Variants in AVEN observed in about 807,000 individuals in gnomAD.
AVEN encodes the protein cell death regulator Aven.
AVEN carries 41 observed loss-of-function variants against 38.1 expected under a neutral mutation model. That is an observed-to-expected ratio of 1.08 (90% confidence interval 0.84 to 1.40). The LOEUF is 1.40. Ranked by LOEUF, AVEN falls within the 40% of genes most tolerant of loss-of-function variation. AVEN has a pLI of 0.00. For synonymous variants in AVEN, 206 were observed against 171.8 expected (o/e 1.20, Z -1.56); for missense variants, 605 against 438.8 (o/e 1.38, Z -3.38).
intron 2 of AVEN, among the ~76,000 whole-genome samples, chr15:33,962,864 G>A (rs1267316269): frequency 6.8e-6 from 1 of 147,070 alleles, no homozygotes; most frequent in Non-Finnish European, 1.5e-5. Context: ...AGCTTGCAGT[G>A]AGCCGAGATC....
intron 2 of AVEN, among the ~76,000 whole-genome samples, chr15:34,070,300 G>A (rs1430266088): frequency 6.6e-6 from 1 of 151,990 alleles, no homozygotes; most frequent in African/African-American, 2.4e-5. Flanking sequence ...AGATTTGGAT[G>A]GGAACACAAA....
chr15:33,900,192 C>T (rs1480549170), intron 2 of AVEN, among the ~76,000 whole-genome samples: 1 of 152,042 alleles, frequency 6.6e-6, no homozygotes, highest in African/African-American at 2.4e-5. Flanking sequence ...TGAAACCCTT[C>T]AGAATCTAGA....
At chr15:33,918,518 G>T (rs1893254214) in intron 2 of AVEN, among the ~76,000 whole-genome samples, 1 of 122,562 alleles carries the variant, frequency 8.2e-6, no homozygotes, top group Admixed American at 1.1e-4. Context: ...CCAGATTGAA[G>T]TGCAGTGGCG....
At chr15:33,857,785 T>A, downstream of AVEN, 2 of 1,614,050 alleles carry the variant, frequency 1.2e-6, no homozygotes, top group Non-Finnish European at 1.7e-6. Flanking sequence ...CCCAGTTGGT[T>A]CTGACTGTCG....
intron 2 of AVEN, among the ~76,000 whole-genome samples, chr15:33,945,985 C>A (rs1361906084): frequency 2.0e-5 from 3 of 152,160 alleles, no homozygotes; most frequent in African/African-American, 7.2e-5. Context: ...CGTTTACTAA[C>A]CTCAGTGAGA....
chr15:33,905,157 AC>A, intron 2 of AVEN, among the ~76,000 whole-genome samples: 1 of 145,552 alleles, frequency 6.9e-6, no homozygotes, highest in East Asian at 2.1e-4. Context: ...AAAAAAAACT[AC>A]TTTTGTTTCC....
chr15:33,865,869 T>TG (rs1167768915), downstream of AVEN: 2 of 152,770 alleles, frequency 1.3e-5, no homozygotes, highest in African/African-American at 4.8e-5. Context: ...CCGTCTTACT[T>TG]TATGAAACTG....
At chr15:34,062,451 A>T (rs571138287) in intron 5 of AVEN, among the ~76,000 whole-genome samples, 1 of 147,706 alleles carries the variant, frequency 6.8e-6, no homozygotes, top group East Asian at 2.2e-4. Flanking sequence ...GCTACTCGGG[A>T]GGCTGAGGCA....
intron 2 of AVEN, among the ~76,000 whole-genome samples, chr15:33,906,179 G>A (rs1287088979): frequency 6.6e-6 from 1 of 152,152 alleles, no homozygotes; most frequent in Non-Finnish European, 1.5e-5. Context: ...TTGAGCTTCT[G>A]TGTATGTGGA....
chr15:33,933,524 C>CACACACACACACACACAGAGAG (rs1893945145), intron 2 of AVEN, among the ~76,000 whole-genome samples: 5 of 46,648 alleles, frequency 1.1e-4, no homozygotes, highest in African/African-American at 2.1e-4. Context: ...CACACACACA[C>CACACACACACACACACAGAGAG]AGAGAGAGAG....
chr15:33,885,230 AAAAAT>A (rs375198482), intron 2 of AVEN, among the ~76,000 whole-genome samples: 50 of 152,326 alleles, frequency 3.3e-4, no homozygotes, highest in African/African-American at 1.1e-3. Flanking sequence ...GGCTGCTACC[AAAAAT>A]AAAATGTCCT....
intron 2 of AVEN, among the ~76,000 whole-genome samples, chr15:33,876,423 T>G (rs1414853403): frequency 9.2e-6 from 1 of 109,050 alleles, no homozygotes; most frequent in Non-Finnish European, 2.4e-5. Flanking sequence ...AATACAAAAA[T>G]TAGCTGGGCG....
chr15:33,933,796 T>TAAAAATAC, intron 2 of AVEN, among the ~76,000 whole-genome samples: 1 of 151,764 alleles, frequency 6.6e-6, no homozygotes, highest in East Asian at 2.0e-4. Flanking sequence ...CTGTCTCTGC[T>TAAAAATAC]AAAAATACAA....
intron 3 of AVEN, among the ~76,000 whole-genome samples, chr15:33,874,501 T>C (rs937746196): frequency 1.3e-5 from 2 of 152,210 alleles, no homozygotes; most frequent in Non-Finnish European, 2.9e-5. Flanking sequence ...GTTCAAATGA[T>C]CTTTTCCCCA....
the AVEN span, chr15:33,853,686 C>G: frequency 2.5e-6 from 4 of 1,611,452 alleles, no homozygotes; most frequent in South Asian, 1.1e-5. Flanking sequence ...TGTCATGGTA[C>G]AAAAAGCTTA....
chr15:34,000,715 A>G (rs1169444418), intron 2 of AVEN, among the ~76,000 whole-genome samples: 1 of 152,210 alleles, frequency 6.6e-6, no homozygotes, highest in Non-Finnish European at 1.5e-5. Flanking sequence ...CAAAACACTG[A>G]GTATGAAGAA....
At chr15:34,014,433 C>T (rs1366795504) in intron 1 of AVEN, among the ~76,000 whole-genome samples, 1 of 138,428 alleles carries the variant, frequency 7.2e-6, no homozygotes, top group African/African-American at 2.8e-5. Context: ...GCAGCAGCAG[C>T]AGTATGGTTT....
downstream of AVEN, among the ~76,000 whole-genome samples, chr15:33,862,213 GTCC>G (rs147853623): frequency 0.032 from 4,931 of 152,176 alleles, 156 homozygotes; most frequent in Non-Finnish European, 0.039. Flanking sequence ...AGCTTAGAGA[GTCC>G]TCATCTTTCG....
intron 2 of AVEN, among the ~76,000 whole-genome samples, chr15:33,886,496 G>A (rs1891708037): frequency 6.6e-6 from 1 of 152,044 alleles, no homozygotes. Context: ...GTAGAGATGG[G>A]GTTTCACCAT....
Sources: allele counts gnomAD v4.1 joint callset (sites outside exome capture counted in the v4.1 genomes callset), GRCh38; gene constraint gnomAD v4.1.1; transcripts MANE v1.5; gene names NCBI Gene and HGNC (gene_info 2026-07-23, HGNC 2026-07-21).